MAD1L1: variants seen among roughly 807,000 people sequenced by gnomAD.
MAD1L1 encodes the protein mitotic spindle assembly checkpoint protein MAD1.
Under a neutral mutation model 96.9 loss-of-function variants are expected in MAD1L1, and 95 were observed. The observed-to-expected ratio is 0.98, with a 90% CI of 0.83 to 1.16. The LOEUF is 1.16. Among genes scored for constraint, MAD1L1 ranks in the 50% most tolerant of loss-of-function variants. The probability of loss-of-function intolerance (pLI) is 0.00; values close to 1 mark genes in which losing one functional copy is unlikely to be tolerated. For missense variants in MAD1L1, 1,007 were observed against 954.4 expected (o/e 1.06, Z -0.73); for synonymous variants, 473 against 396.6 (o/e 1.19, Z -2.29).
intron 12 of MAD1L1, among the ~76,000 whole-genome samples, chr7:2,037,732 C>T (rs552246755): frequency 1.2e-4 from 18 of 152,278 alleles, no homozygotes; most frequent in East Asian, 3.9e-4. Context: ...CACCGACCAA[C>T]GCTGCTTGTG....
chr7:2,093,856 A>C (rs73034419), intron 11 of MAD1L1, among the ~76,000 whole-genome samples: 4,118 of 152,310 alleles, frequency 0.027, 97 homozygotes, highest in South Asian at 0.089. Context: ...GGGGCAACAG[A>C]CAAGGAGAGG....
chr7:2,006,892 C>T (rs541397300), intron 13 of MAD1L1, among the ~76,000 whole-genome samples: 3 of 152,200 alleles, frequency 2.0e-5, no homozygotes, highest in Non-Finnish European at 4.4e-5. Context: ...ACACACCCCC[C>T]ACCTCAGTCC....
chr7:1,885,206 A>C (rs1022967695), intron 18 of MAD1L1, among the ~76,000 whole-genome samples: 7 of 152,212 alleles, frequency 4.6e-5, no homozygotes, highest in African/African-American at 1.4e-4. Context: ...GGACGCCCCC[A>C]CACACAGACA....
chr7:2,004,370 G>A (rs1318107958), intron 13 of MAD1L1, among the ~76,000 whole-genome samples: 1 of 152,258 alleles, frequency 6.6e-6, no homozygotes, highest in Non-Finnish European at 1.5e-5. Context: ...TGGGCACACA[G>A]GCGGCTGGCA....
chr7:1,934,945 C>T (rs1442879169), intron 17 of MAD1L1, among the ~76,000 whole-genome samples: 1 of 151,660 alleles, frequency 6.6e-6, no homozygotes, highest in African/African-American at 2.4e-5. Context: ...CCGAGACGGG[C>T]AGAGACCCAG....
intron 17 of MAD1L1, among the ~76,000 whole-genome samples, chr7:1,925,658 C>T (rs1282503500): frequency 6.6e-6 from 1 of 152,236 alleles, no homozygotes; most frequent in Non-Finnish European, 1.5e-5. Flanking sequence ...GATGAAGTTT[C>T]CAACACGTGG....
chr7:2,033,938 T>G (rs2128507691), intron 12 of MAD1L1, among the ~76,000 whole-genome samples: 1 of 152,272 alleles, frequency 6.6e-6, no homozygotes, highest in Non-Finnish European at 1.5e-5. Context: ...AAAAAAAATT[T>G]TTTTTTAATT....
At chr7:1,983,655 G>A (rs1453483142) in intron 14 of MAD1L1, among the ~76,000 whole-genome samples, 1 of 152,148 alleles carries the variant, frequency 6.6e-6, no homozygotes, top group Non-Finnish European at 1.5e-5. Context: ...TCAATCTTAT[G>A]TGCACAGCCT....
chr7:2,178,661 C>A (rs761507503), intron 10 of MAD1L1, among the ~76,000 whole-genome samples: 1 of 152,176 alleles, frequency 6.6e-6, no homozygotes, highest in Non-Finnish European at 1.5e-5. Flanking sequence ...CTCTGGGAGG[C>A]CAAGGCGGGC....
chr7:1,893,318 G>C (rs1786664414), intron 18 of MAD1L1, among the ~76,000 whole-genome samples: 1 of 151,920 alleles, frequency 6.6e-6, no homozygotes, highest in Non-Finnish European at 1.5e-5. Flanking sequence ...GAGTGGCGGG[G>C]GACTGTGCGG....
chr7:2,069,320 C>G lies in MAD1L1; in HGVS notation c.1092G>C (p.Lys364Asn), dbSNP rs746771722. 5 of 1,603,778 alleles carry G rather than the reference C, an allele frequency of 3.1e-6. No individual in the cohort carries two copies. The African/African-American group carries it at 5.4e-5, about 17-fold the overall frequency. Residue 364 changes from lysine to asparagine, a missense_variant, in exon 12 of 19, where the codon AAG (lysine) becomes AAC (asparagine). Physicochemically the swap from Lys to Asn is moderately conservative, Grantham distance 94. Coordinates refer to ENST00000265854, the MANE Select transcript of MAD1L1 (RefSeq NM_001013836.2). ...GCTCCTCCTGCAGCTGCTGCCTGGC[C>G]TTCTCCAGCCCCCGGGCGCTGCATG... is the stretch of plus-strand genomic sequence containing the variant. ...AVTSSARGLE[K>N]ARQQLQEELR...
At chr7:2,175,507 A>C (rs1248572889) in intron 10 of MAD1L1, 1 of 151,948 alleles carries the variant, frequency 6.6e-6, no homozygotes, top group Non-Finnish European at 1.5e-5. Context: ...AAAAAAAAAA[A>C]AAAAAAAAAA....
At chr7:2,153,352 CAT>C (rs1459422778) in intron 10 of MAD1L1, among the ~76,000 whole-genome samples, 2 of 151,980 alleles carry the variant, frequency 1.3e-5, no homozygotes, top group Non-Finnish European at 2.9e-5. Flanking sequence ...ATTAAAAAAA[CAT>C]AAATAATCCC....
chr7:2,161,907 C>T (rs912383218), intron 10 of MAD1L1, among the ~76,000 whole-genome samples: 3 of 148,670 alleles, frequency 2.0e-5, no homozygotes, highest in Non-Finnish European at 4.5e-5. Flanking sequence ...AGCCCCCGCC[C>T]GCCAGCCAGC....
At chr7:1,877,957 AAG>A (rs1418503460) in intron 18 of MAD1L1, among the ~76,000 whole-genome samples, 3 of 152,226 alleles carry the variant, frequency 2.0e-5, no homozygotes, top group Non-Finnish European at 4.4e-5. Flanking sequence ...ATGACGAAAA[AAG>A]AGATGATATG....
At chr7:2,024,057 C>G (rs1322660574) in intron 12 of MAD1L1, among the ~76,000 whole-genome samples, 1 of 149,564 alleles carries the variant, frequency 6.7e-6, no homozygotes, top group Non-Finnish European at 1.5e-5. Flanking sequence ...CCAACAAAAC[C>G]AAAAGCTGGT....
intron 15 of MAD1L1, among the ~76,000 whole-genome samples, chr7:1,974,917 A>G (rs1583966262): frequency 1.3e-5 from 2 of 152,190 alleles, no homozygotes; most frequent in East Asian, 3.9e-4. Context: ...GGGGTACAGG[A>G]CCCAGGCAGG....
intron 3 of MAD1L1, among the ~76,000 whole-genome samples, chr7:2,226,506 G>C (rs576208081): frequency 7.9e-5 from 12 of 152,222 alleles, no homozygotes; most frequent in Non-Finnish European, 1.6e-4. Flanking sequence ...TTACAGGTTA[G>C]CTGAGCCTCA....
At chr7:2,139,997 C>CCCCCCCG (rs375660018) in intron 11 of MAD1L1, among the ~76,000 whole-genome samples, 1 of 148,870 alleles carries the variant, frequency 6.7e-6, no homozygotes, top group African/African-American at 2.5e-5. Flanking sequence ...CCCCGCCCCC[C>CCCCCCCG]CCCAGTCCCT....
Sources: gnomAD v4.1 joint callset for allele counts (sites outside exome capture counted in the v4.1 genomes callset) on GRCh38, gnomAD v4.1.1 for gene constraint, MANE v1.5 for transcripts, NCBI Gene and HGNC (gene_info 2026-07-23, HGNC 2026-07-21) for gene names.